The following RNF168 variants were observed in gnomAD, a reference collection of about 807,000 sequenced individuals.
RNF168 encodes ring finger protein 168.
RNF168 carries 34 observed loss-of-function variants against 34.9 expected under a neutral mutation model. That is an observed-to-expected ratio of 0.97 (90% CI 0.74 to 1.30). The LOEUF (loss-of-function observed/expected upper bound fraction) is 1.30, where lower values mean the gene tolerates loss of function less well. Ranked by LOEUF, RNF168 falls within the 50% of genes most tolerant of loss-of-function variation. The probability of loss-of-function intolerance (pLI) is 0.00; values close to 1 mark genes in which losing one functional copy is unlikely to be tolerated. For synonymous variants in RNF168, 264 were observed against 254.7 expected (o/e 1.04, Z -0.35); for missense variants, 725 against 682.5 (o/e 1.06, Z -0.69).
chr3:196,488,591 A>C lies in RNF168; in HGVS notation c.378+16T>G, dbSNP rs1026977947. The C allele has an allele frequency of 6.9e-7, 1 of 1,446,526 alleles. No individual in the cohort carries two copies. Among genetic ancestry groups the C allele is most frequent in the Non-Finnish European group, 9.6e-7 (1 of 1,042,442 alleles). The allele number at this position is 1,446,526 out of a possible 1,614,324, so 89.6% of individuals were successfully genotyped here. ...GCAGAGAAATATTCCAAAAAAAAAA[A>C]CTATTTAGCACCTACCTTGCTTATT... On this transcript the variant is annotated intron_variant, in intron 2 of 5. Coordinates refer to ENST00000318037, the MANE Select transcript of RNF168 (RefSeq NM_152617.4).
intron 1 of RNF168, among the ~76,000 whole-genome samples, chr3:196,495,590 T>C (rs1266877131): frequency 6.6e-6 from 1 of 152,250 alleles, no homozygotes; most frequent in Non-Finnish European, 1.5e-5. Flanking sequence ...TGCCTTATAC[T>C]CGTCCTATCA....
chr3:196,487,715 G>A (rs1336286622), intron 2 of RNF168, 137 bp from the exon 3 acceptor site: 1 of 865,260 alleles, frequency 1.2e-6, no homozygotes, highest in Non-Finnish European at 1.9e-6. Context: ...TACAAATCTG[G>A]AGAAGTAGAT....
chr3:196,476,005 G>T (rs574375074), intron 4 of RNF168, among the ~76,000 whole-genome samples: 1 of 151,302 alleles, frequency 6.6e-6, no homozygotes, highest in East Asian at 2.0e-4. Flanking sequence ...GATTACAGGC[G>T]CCCGCCACCA....
intron 1 of RNF168, among the ~76,000 whole-genome samples, chr3:196,501,566 G>A (rs1367448462): frequency 6.6e-6 from 1 of 152,166 alleles, no homozygotes; most frequent in Admixed American, 6.5e-5. Context: ...TGGGGGGAAA[G>A]GTGAAATGGG....
Position 196,471,731 on chromosome 3 carries a change from T to A in RNF168, c.*88A>T, listed in dbSNP as rs1302103259. ...CAATGAGTGTGCCTAGAGAGCAGCA[T>A]GAATGACACATGGATGAAGATTCCA... On this transcript the variant is annotated 3_prime_UTR_variant, in exon 6 of 6. Transcript: ENST00000318037. 7.9e-6 allele frequency: 7 copies of A among 891,718 alleles called. No homozygotes were observed. The Admixed American group carries it at 1.1e-4, about 14-fold the overall frequency. 55.2% of individuals were successfully genotyped at this position (891,718 alleles called of 1,614,324 possible).
chr3:196,491,559 T>C (rs1048132716), intron 1 of RNF168, among the ~76,000 whole-genome samples: 13 of 151,094 alleles, frequency 8.6e-5, no homozygotes, highest in African/African-American at 2.7e-4. Context: ...CACAGAAGAA[T>C]TGCTTGAACC....
At chr3:196,498,100 T>C (rs1191531746) in intron 1 of RNF168, among the ~76,000 whole-genome samples, 2 of 152,192 alleles carry the variant, frequency 1.3e-5, no homozygotes, top group African/African-American at 4.8e-5. Context: ...AACCAGAACC[T>C]GTATGCTGTT....
chr3:196,474,727 C>T (rs928469072), intron 5 of RNF168: 4 of 163,228 alleles, frequency 2.5e-5, no homozygotes, highest in South Asian at 1.6e-4. Flanking sequence ...GGATTACAGG[C>T]GTGAGCCACC....
intron 1 of RNF168, among the ~76,000 whole-genome samples, chr3:196,494,934 G>A (rs1732700326): frequency 6.6e-6 from 1 of 152,098 alleles, no homozygotes; most frequent in Non-Finnish European, 1.5e-5. Flanking sequence ...GAGGTGGGAG[G>A]ATTGCTTGAG....
At chr3:196,482,546 C>T (rs1732322711) in intron 4 of RNF168, among the ~76,000 whole-genome samples, 1 of 152,190 alleles carries the variant, frequency 6.6e-6, no homozygotes, top group African/African-American at 2.4e-5. Context: ...CACGATACCA[C>T]TTTACATTCC....
chr3:196,503,382 G>T lies in RNF168; in HGVS notation c.-209C>A. On this transcript the variant is annotated 5_prime_UTR_variant, in exon 1 of 6. Transcript: ENST00000318037. ...GCAAACAGGAATACCCCGGAGGGCG[G>T]CGTCTTTGTCCATTTTCAAGGCAAA... 1.7e-6 allele frequency: 1 copy of T among 597,092 alleles called. No individual in the cohort carries two copies. The allele number at this position is 597,092 out of a possible 1,614,324, so 37.0% of individuals were successfully genotyped here.
In RNF168 at chr3:196,469,091, A is replaced by G. The variant is rs899481671; in HGVS notation, c.*2728T>C. ...ATATGTGATATATTTACACCTAAAT[A>G]TATCACACCCTCCTTTTTGGTCACA... On this transcript the variant is annotated 3_prime_UTR_variant, in exon 6 of 6. Coordinates refer to ENST00000318037, the MANE Select transcript of RNF168 (RefSeq NM_152617.4). The G allele has an allele frequency of 1.3e-5, 2 of 152,168 alleles. No individual in the cohort carries two copies. Among genetic ancestry groups the G allele is most frequent in the East Asian group, 1.9e-4 (1 of 5,198 alleles). 9.4% of individuals were successfully genotyped at this position (152,168 alleles called of 1,614,324 possible).
chr3:196,502,483 G>C (rs1390820779), intron 1 of RNF168, among the ~76,000 whole-genome samples: 1 of 151,980 alleles, frequency 6.6e-6, no homozygotes, highest in South Asian at 2.1e-4. Flanking sequence ...AGCTACTCGG[G>C]AGGCTGAGGC....
chr3:196,493,953 A>G lies in RNF168; in HGVS notation c.302-5270T>C, dbSNP rs1037476414. On this transcript the variant is annotated intron_variant, in intron 1 of 5. Transcript: ENST00000318037. ...CTGCAGTGTCCACCTCCCAGGCTCA[A>G]GCAATGCTACTGCCTGAGCCTCCCA... is the stretch of plus-strand genomic sequence containing the variant. Among the ~76,000 whole-genome samples, 4 of 151,726 alleles carry G rather than the reference A, an allele frequency of 2.6e-5. No individual in the cohort carries two copies. In the East Asian group the frequency reaches 7.7e-4, roughly 29 times the overall value.
intron 4 of RNF168, among the ~76,000 whole-genome samples, chr3:196,479,210 G>T (rs1328232888): frequency 6.7e-6 from 1 of 149,288 alleles, no homozygotes; most frequent in Non-Finnish European, 1.5e-5. Context: ...ATGGGGTTTC[G>T]CCATGTTGGC....
At chr3:196,487,286 T>G in intron 3 of RNF168, 113 bp downstream of exon 3, 1 of 952,486 alleles carries the variant, frequency 1.0e-6, no homozygotes, top group Non-Finnish European at 1.7e-6. Flanking sequence ...AAAGACAATA[T>G]TTGTGGGATG....
intron 1 of RNF168, among the ~76,000 whole-genome samples, chr3:196,491,859 C>T (rs555520963): frequency 2.0e-5 from 3 of 152,064 alleles, no homozygotes; most frequent in Non-Finnish European, 4.4e-5. Flanking sequence ...CAAGACACTA[C>T]GCTGCGTGAA....
At chr3:196,502,345 G>A (rs2108657071) in intron 1 of RNF168, among the ~76,000 whole-genome samples, 1 of 152,268 alleles carries the variant, frequency 6.6e-6, no homozygotes, top group East Asian at 1.9e-4. Context: ...CCAGCATTTT[G>A]GCAGGCCGAG....
At chr3:196,476,569 C>A (rs1479444317) in intron 4 of RNF168, among the ~76,000 whole-genome samples, 2 of 151,726 alleles carry the variant, frequency 1.3e-5, no homozygotes, top group African/African-American at 4.8e-5. Context: ...GCATGTGCCA[C>A]CACGTCCAGC....
Sources: gnomAD v4.1 joint callset for allele counts (sites outside exome capture counted in the v4.1 genomes callset) on GRCh38, gnomAD v4.1.1 for gene constraint, MANE v1.5 for transcripts, NCBI Gene and HGNC (gene_info 2026-07-23, HGNC 2026-07-21) for gene names.